XPO1: variants seen among roughly 807,000 people sequenced by gnomAD.
The protein encoded by XPO1 is exportin 1.
XPO1 carries 5 observed loss-of-function variants against 133.3 expected under a neutral mutation model. The ratio of observed to expected loss-of-function variants is 0.04; its 90% CI spans 0.02 to 0.08. XPO1 has a LOEUF of 0.08. XPO1 is among the 10% of genes least tolerant of loss of function. XPO1 has a pLI of 1.00. For missense variants in XPO1, 506 were observed against 1,267.5 expected, an observed-to-expected ratio of 0.40 and a Z score of 9.12; for synonymous variants, 419 against 408.2, an observed-to-expected ratio of 1.03 and a Z score of -0.32.
intron 3 of XPO1, chr2:61,526,048 TGGTGTCAGA>T: frequency 7.4e-6 from 8 of 1,076,930 alleles, no homozygotes; most frequent in Non-Finnish European, 9.0e-6. Flanking sequence ...CCACACAACT[TGGTGTCAGA>T]GGTGCCTGGC....
chr2:61,495,651 T>C lies in XPO1; in HGVS notation c.889-38A>G, dbSNP rs200593654. On this transcript the variant is annotated intron_variant, in intron 10 of 24. Coordinates refer to ENST00000401558, the MANE Select transcript of XPO1 (RefSeq NM_003400.4). ...AAAGGGACGATCAGTTCGCATTTTA[T>C]AAAACAACTAAAGACACTTAATATT... is the stretch of plus-strand genomic sequence containing the variant. The C allele has an allele frequency of 1.2e-4, 174 of 1,508,000 alleles. 1 individual carries two copies. The highest frequency in any genetic ancestry group is 1.5e-4 in the Non-Finnish European group (169 of 1,123,262). The allele number at this position is 1,508,000 out of a possible 1,614,324, so 93.4% of individuals were successfully genotyped here. A position where few individuals can be genotyped will look rare whatever the true frequency, so the allele number is the denominator to read the frequency against.
intron 4 of XPO1, 125 bp from the exon 5 acceptor site, chr2:61,502,435 C>A: frequency 1.1e-6 from 1 of 919,806 alleles, no homozygotes; most frequent in Admixed American, 2.7e-5. Flanking sequence ...TACTCTAATC[C>A]TGTCACCAGT....
intron 7 of XPO1, among the ~76,000 whole-genome samples, 179 bp from the exon 8 acceptor site, chr2:61,499,092 A>G (rs890586295): frequency 6.6e-6 from 1 of 152,216 alleles, no homozygotes; most frequent in Non-Finnish European, 1.5e-5. Flanking sequence ...ACCCAAGGGG[A>G]AAAAGATTTC....
At chr2:61,517,177 AG>A (rs1698434950) in intron 4 of XPO1, among the ~76,000 whole-genome samples, 1 of 152,208 alleles carries the variant, frequency 6.6e-6, no homozygotes, top group Non-Finnish European at 1.5e-5. Flanking sequence ...CTGGGATTAC[AG>A]GTGTAAGCCA....
intron 24 of XPO1, among the ~76,000 whole-genome samples, chr2:61,480,000 G>T (rs1558623518): frequency 6.6e-6 from 1 of 152,044 alleles, no homozygotes; most frequent in Non-Finnish European, 1.5e-5. Flanking sequence ...GAGTAGCTGG[G>T]ACTACAGGCA....
intron 11 of XPO1, among the ~76,000 whole-genome samples, chr2:61,494,951 T>G (rs932334619): frequency 5.3e-5 from 8 of 151,896 alleles, no homozygotes; most frequent in Admixed American, 1.3e-4. Context: ...AAGCAATTCC[T>G]GTGCTTCAGC....
At chr2:61,510,836 C>CT (rs993186447) in intron 4 of XPO1, among the ~76,000 whole-genome samples, 3 of 151,004 alleles carry the variant, frequency 2.0e-5, no homozygotes, top group African/African-American at 7.3e-5. Context: ...ATGCAGGAGA[C>CT]TGACGCAGGA....
At chr2:61,521,386 A>G (rs1698682756) in intron 4 of XPO1, among the ~76,000 whole-genome samples, 1 of 152,250 alleles carries the variant, frequency 6.6e-6, no homozygotes, top group African/African-American at 2.4e-5. Context: ...AAATGAAAAT[A>G]CTACTAGAAG....
At chr2:61,487,609 G>T (rs1042305876) in intron 19 of XPO1, among the ~76,000 whole-genome samples, 11 of 151,394 alleles carry the variant, frequency 7.3e-5, no homozygotes, top group Non-Finnish European at 1.5e-4. Flanking sequence ...ACTCTCCCAA[G>T]GCTCAATTGA....
At chr2:61,536,974 G>C (rs1340942497) in intron 1 of XPO1, 1 of 152,196 alleles carries the variant, frequency 6.6e-6, no homozygotes, top group Non-Finnish European at 1.5e-5. Flanking sequence ...GGAACTACAA[G>C]ACGGAATCCC....
intron 3 of XPO1, among the ~76,000 whole-genome samples, chr2:61,523,456 A>G (rs1698782330): frequency 6.6e-6 from 1 of 152,228 alleles, no homozygotes; most frequent in Non-Finnish European, 1.5e-5. Context: ...ATAGTCAACA[A>G]TATTTATAAT....
intron 22 of XPO1, 178 bp downstream of exon 22, chr2:61,482,779 G>A (rs1384632380): frequency 2.5e-6 from 2 of 808,380 alleles, no homozygotes; most frequent in East Asian, 5.6e-5. Context: ...TATTTTTATT[G>A]TATCTTTTAT....
intron 12 of XPO1, 177 bp downstream of exon 12, chr2:61,493,717 T>C: frequency 1.5e-6 from 1 of 680,196 alleles, no homozygotes; most frequent in Non-Finnish European, 2.5e-6. Context: ...GACCACACTC[T>C]TGAGAATCAA....
chr2:61,488,018 C>T (rs1008906752), intron 19 of XPO1, 147 bp downstream of exon 19: 23 of 660,522 alleles, frequency 3.5e-5, no homozygotes, highest in Middle Eastern at 2.6e-4. Context: ...AGTATATTAA[C>T]GTAAGGACTA....
At chr2:61,521,886 C>T (rs1558671182) in intron 4 of XPO1, among the ~76,000 whole-genome samples, 2 of 151,342 alleles carry the variant, frequency 1.3e-5, no homozygotes, top group Admixed American at 1.3e-4. Flanking sequence ...CACTGATACC[C>T]CTGTCCCCGC....
At chr2:61,528,119 G>A (rs112078641) in intron 2 of XPO1, among the ~76,000 whole-genome samples, 15,346 of 151,748 alleles carry the variant, frequency 0.1, 1,028 homozygotes, top group Non-Finnish European at 0.15. Flanking sequence ...TAGAGACAGG[G>A]TTTCACTGTA....
intron 12 of XPO1, 26 bp downstream of exon 12, chr2:61,493,868 G>GA: frequency 6.2e-7 from 1 of 1,612,126 alleles, no homozygotes; most frequent in Non-Finnish European, 8.5e-7. Flanking sequence ...GCAACAGGAA[G>GA]AACACTCAAC....
chr2:61,523,625 T>C (rs1319446746), intron 3 of XPO1, among the ~76,000 whole-genome samples: 3 of 152,188 alleles, frequency 2.0e-5, no homozygotes, highest in Non-Finnish European at 4.4e-5. Context: ...CATTCATATA[T>C]AGACATATAA....
At chr2:61,496,473 G>T (rs1038476191) in intron 10 of XPO1, among the ~76,000 whole-genome samples, 4 of 152,156 alleles carry the variant, frequency 2.6e-5, no homozygotes, top group Non-Finnish European at 4.4e-5. Context: ...GCCTCCCAAA[G>T]TTCTGGGATT....
Sources: allele counts gnomAD v4.1 joint callset (sites outside exome capture counted in the v4.1 genomes callset), GRCh38; gene constraint gnomAD v4.1.1; transcripts MANE v1.5; gene names NCBI Gene and HGNC (gene_info 2026-07-23, HGNC 2026-07-21).